Variants in TTN observed in about 807,000 individuals in gnomAD.
The protein encoded by TTN is connectin.
In TTN, 1,525 loss-of-function variants were observed where a neutral mutation model predicts 3,223.0. The ratio of observed to expected loss-of-function variants is 0.47; its 90% CI spans 0.45 to 0.49. TTN has a LOEUF of 0.49. Among genes scored for constraint, TTN ranks in the 20% least tolerant of loss-of-function variants. The probability of loss-of-function intolerance (pLI) is 0.00; values close to 1 mark genes in which losing one functional copy is unlikely to be tolerated. For missense variants in TTN, 40,786 were observed against 43,424.0 expected (o/e 0.94, Z 5.40); for synonymous variants, 14,094 against 15,161.0 (o/e 0.93, Z 5.17).
In TTN at chr2:178,756,268, A is replaced by G. The variant is rs138485458; in HGVS notation, c.11208T>C (p.Asn3736=). 2.5e-6 allele frequency: 4 copies of G among 1,613,828 alleles called. No homozygotes were observed. Among genetic ancestry groups the G allele is most frequent in the East Asian group, 2.2e-5 (1 of 44,874 alleles). ...DQGLYSCIVH[N]DCGERTTSAV... ...CTGACGTTGTCCTCTCTCCACAGTC[A>G]TTGTGTACAATGCAGCTGTATAGTC... The change falls in exon 46 of 363, where the codon AAT becomes AAC. Residue 3736 remains asparagine (N), a synonymous_variant. Transcript: ENST00000589042.
chr2:178,649,413 G>A, intron 212 of TTN, 82 bp from the exon 213 acceptor site: 2 of 1,329,928 alleles, frequency 1.5e-6, no homozygotes, highest in South Asian at 3.5e-5. Flanking sequence ...GTATTTATTG[G>A]AGCAGCATTA....
rs2082181880 is a variant in TTN, at chr2:178,739,869, ACTT to A, written c.13361_13363del (p.Glu4454del). ...ATCAACATCTTCAATAATGATGGTT[ACTT>A]CTTCTGTTACAGACTTTGCCGAAGT... is the stretch of plus-strand genomic sequence containing the variant. On this transcript the variant is annotated inframe_deletion, in exon 48 of 363. Coordinates refer to ENST00000589042, the MANE Select transcript of TTN (RefSeq NM_001267550.2). 3 of 1,613,884 alleles carry A rather than the reference ACTT, an allele frequency of 1.9e-6. No homozygotes were observed. Among genetic ancestry groups the A allele is most frequent in the Non-Finnish European group, 2.5e-6 (3 of 1,179,838 alleles).
Position 178,620,873 on chromosome 2 carries a change from G to C in TTN, c.45737C>G (p.Ala15246Gly). 6.2e-7 allele frequency: 1 copy of C among 1,612,466 alleles called. No individual in the cohort carries two copies. The highest frequency in any genetic ancestry group is 8.5e-7 in the Non-Finnish European group (1 of 1,179,092). Residue 15246 changes from alanine to glycine, a missense_variant, in exon 247 of 363, where the codon GCT becomes GGT. Transcript: ENST00000589042. ...GATGTATTTTGAACTATCAAATATA[G>C]CTTCTTCATTTCTGAACCATTTGGC... The part of the protein sequence containing the change: ...AKAKWFRNEE[A>G]IFDSSKYIIL...
chr2:178,673,384 A>G (rs1449647832), intron 152 of TTN, among the ~76,000 whole-genome samples: 2 of 151,930 alleles, frequency 1.3e-5, no homozygotes, highest in Admixed American at 1.3e-4. Context: ...AAGTATATAG[A>G]GACATACTAA....
At chr2:178,788,341 C>T (rs1450514157) in intron 13 of TTN, among the ~76,000 whole-genome samples, 1 of 151,888 alleles carries the variant, frequency 6.6e-6, no homozygotes, top group Non-Finnish European at 1.5e-5. Context: ...TTAACAAAAA[C>T]AAGATAGTCA....
In TTN at chr2:178,530,345, T is replaced by C; in HGVS notation, c.106270A>G (p.Thr35424Ala). The change falls in exon 358 of 363, where the codon ACT (threonine) becomes GCT (alanine). Residue 35424 changes from threonine (T) to alanine (A), a missense_variant. Coordinates refer to ENST00000589042, the MANE Select transcript of TTN (RefSeq NM_001267550.2). ...EPISSKPVIV[T>A]GLQDTTVSSD... is the part of the protein sequence containing the mutation. ...GAAACAGTTGTATCCTGCAACCCAG[T>C]AACAATTACTGGTTTTGAGGAAATT... 6.2e-7 allele frequency: 1 copy of C among 1,614,010 alleles called. No homozygotes were observed. Among genetic ancestry groups the C allele is most frequent in the Non-Finnish European group, 8.5e-7 (1 of 1,179,872 alleles).
Position 178,729,493 on chromosome 2 carries a change from T to G in TTN, c.18663A>C (p.Glu6221Asp), listed in dbSNP as rs369544339. The G allele has an allele frequency of 1.1e-4, 180 of 1,613,638 alleles. No individual in the cohort carries two copies. The highest frequency in any genetic ancestry group is 9.2e-5 in the Non-Finnish European group (108 of 1,179,646). The change falls in exon 64 of 363, where the codon GAA (glutamate) becomes GAC (aspartate). Residue 6221 changes from glutamate (E) to aspartate (D), a missense_variant. Transcript: ENST00000589042. ...VKYSDVELEC[E>D]VTGTPPFEVT... ...CTTCAAACGGAGGTGTTCCCGTAAC[T>G]TCACACTCCAGCTCCACGTCACTAT...
rs370094744 is a variant in TTN, at chr2:178,770,128, G to A, written c.8573C>T (p.Pro2858Leu). 12 of 1,613,988 alleles carry A rather than the reference G, an allele frequency of 7.4e-6. No individual in the cohort carries two copies. In the African/African-American group the frequency reaches 8.0e-5, roughly 11 times the overall value. The change falls in exon 36 of 363, where the codon CCC becomes CTC. Residue 2858 changes from proline (P) to leucine (L), a missense_variant. Transcript: ENST00000589042. The stretch of plus-strand genomic sequence containing the variant: ...AGCTGTGTATTCCCCAGCATCTGAG[G>A]GGGAGATGTTCTGCAGCATCAGCTT... The part of the protein sequence containing the change: ...VHKLMLQNIS[P>L]SDAGEYTAVV...
At position 178,777,701 on chromosome 2, in the gene TTN, T is replaced by C; in HGVS notation, c.4480+3A>G. On this transcript the variant is annotated splice_donor_region_variant and intron_variant, in intron 25 of 362. Coordinates refer to ENST00000589042, the MANE Select transcript of TTN (RefSeq NM_001267550.2). ...TTCATGAGCAAAAACTTATCACGCTTACCATCATGAAACCAGAACGTCTCT... is the reference window on the plus strand; with the variant it reads ...TTCATGAGCAAAAACTTATCACGCTCACCATCATGAAACCAGAACGTCTCT... 6.2e-7 allele frequency: 1 copy of C among 1,614,056 alleles called. No homozygotes were observed. Among genetic ancestry groups the C allele is most frequent in the East Asian group, 2.2e-5 (1 of 44,874 alleles).
chr2:178,611,651 G>T lies in TTN; in HGVS notation c.50578C>A (p.His16860Asn). The change falls in exon 269 of 363, where the codon CAT (histidine) becomes AAT (asparagine). Residue 16860 changes from histidine (H) to asparagine (N), a missense_variant. Coordinates refer to ENST00000589042, the MANE Select transcript of TTN (RefSeq NM_001267550.2). ...TSPPSPPLDL[H>N]VTDAGRKHIA... ...TGTTTTCTCCCAGCATCAGTCACAT[G>T]TAGGTCAAGGGGTGGTGAGGGAGGA... The T allele has an allele frequency of 6.2e-7, 1 of 1,613,020 alleles. No homozygotes were observed. The highest frequency in any genetic ancestry group is 8.5e-7 in the Non-Finnish European group (1 of 1,179,346).
chr2:178,779,695 A>G (rs2092591102), intron 22 of TTN: 1 of 537,638 alleles, frequency 1.9e-6, no homozygotes, highest in African/African-American at 1.9e-5. Flanking sequence ...TAGAGGTTAC[A>G]TTAGCTTATC....
At chr2:178,759,729 C>T (rs1040415499) in intron 43 of TTN, among the ~76,000 whole-genome samples, 2 of 152,050 alleles carry the variant, frequency 1.3e-5, no homozygotes, top group Non-Finnish European at 2.9e-5. Context: ...GGTTTCAGTA[C>T]GCAGTATATA....
Position 178,759,129 on chromosome 2 carries a change from T to C in TTN, c.10158A>G (p.Pro3386=). The C allele has an allele frequency of 1.9e-6, 3 of 1,614,020 alleles. No homozygotes were observed. Among genetic ancestry groups the C allele is most frequent in the South Asian group, 2.2e-5 (2 of 91,074 alleles). ...ATTGAGTCATTCTAAAGAACCGAGA[T>C]GGCTTGATTTTCTTGTCTTTGCTGT... ...SWYSKDKKIK[P]SRFFRMTQFE... Residue 3386 remains proline (P), a synonymous_variant, in exon 44 of 363, where the codon CCA becomes CCG. Transcript: ENST00000589042.
rs1415495029 is a variant in TTN, at chr2:178,570,326, A to G, written c.75806T>C (p.Leu25269Pro). The G allele has an allele frequency of 6.2e-7, 1 of 1,613,338 alleles. No individual in the cohort carries two copies. The highest frequency in any genetic ancestry group is 8.5e-7 in the Non-Finnish European group (1 of 1,179,616). The change falls in exon 326 of 363, where the codon CTT (leucine) becomes CCT (proline). Residue 25269 changes from leucine (L) to proline (P), a missense_variant. Coordinates refer to ENST00000589042, the MANE Select transcript of TTN (RefSeq NM_001267550.2). ...VQTLSCKVTKLLEGNEYTFRI... is the reference protein window; with the variant it reads ...VQTLSCKVTKPLEGNEYTFRI... The stretch of plus-strand genomic sequence containing the variant: ...GAAAGTATATTCATTGCCTTCAAGA[A>G]GCTTAGTAACCTTGCAGCTGAGAGT...
intron 216 of TTN, 68 bp from the exon 217 acceptor site, chr2:178,646,098 TAGAA>T: frequency 2.7e-5 from 3 of 109,124 alleles, no homozygotes; most frequent in Non-Finnish European, 3.5e-5. Context: ...GTATATTTAA[TAGAA>T]ATTATATATA....
rs754466645 is a variant in TTN at position 178,577,848 on chromosome 2, G to T, written c.68578C>A (p.Leu22860Ile). 23 of 1,600,516 alleles carry T rather than the reference G, an allele frequency of 1.4e-5. No homozygotes were observed. Among genetic ancestry groups the T allele is most frequent in the Non-Finnish European group, 1.9e-5 (22 of 1,172,866 alleles). The change falls in exon 323 of 363, where the codon CTC (leucine) becomes ATC (isoleucine). Residue 22860 changes from leucine to isoleucine, a missense_variant. Coordinates refer to ENST00000589042, the MANE Select transcript of TTN (RefSeq NM_001267550.2). ...VINITRNSVT[L>I]IWTEPKYDGG... Reference sequence around the variant, plus strand: ...TCATATTTAGGTTCAGTCCAAATGAGAGTCACTGAATTCCTTGTTATGTTA... The same window carrying T: ...TCATATTTAGGTTCAGTCCAAATGATAGTCACTGAATTCCTTGTTATGTTA...
Position 178,598,783 on chromosome 2 carries a change from A to C in TTN, c.56927T>G (p.Leu18976Arg). ...INAAGVGPAS[L>R]PSDPATARDP... ...TCTAGCAGTCGCTGGGTCTGATGGC[A>C]GACTTGCTGGACCCACGCCAGCAGC... Residue 18976 changes from leucine to arginine, a missense_variant, in exon 291 of 363, where the codon CTG becomes CGG. By Grantham distance (102) the Leu-to-Arg change is moderately radical. Coordinates refer to ENST00000589042, the MANE Select transcript of TTN (RefSeq NM_001267550.2). The C allele has an allele frequency of 6.2e-7, 1 of 1,613,430 alleles. No individual in the cohort carries two copies. Among genetic ancestry groups the C allele is most frequent in the South Asian group, 1.1e-5 (1 of 91,050 alleles).
Position 178,547,892 on chromosome 2 carries a change from G to A in TTN, c.93734C>T (p.Pro31245Leu), listed in dbSNP as rs760438860. 3.7e-6 allele frequency: 6 copies of A among 1,613,656 alleles called. No individual in the cohort carries two copies. The African/African-American group carries it at 6.7e-5, about 18-fold the overall frequency. The change falls in exon 339 of 363, where the codon CCC becomes CTC. Residue 31245 changes from proline to leucine, a missense_variant. Coordinates refer to ENST00000589042, the MANE Select transcript of TTN (RefSeq NM_001267550.2). ...IDVPISGRPA[P>L]KVTWKLEEMR... is the part of the protein sequence containing the mutation. ...TTCTTCCAGTTTCCATGTTACTTTG[G>A]GGGCAGGACGACCACTGATTGGTAC... is the stretch of plus-strand genomic sequence containing the variant.
In TTN at chr2:178,546,377, C is replaced by G; in HGVS notation, c.94954G>C (p.Gly31652Arg). 1 of 1,613,746 alleles carries G rather than the reference C, an allele frequency of 6.2e-7. No homozygotes were observed. The highest frequency in any genetic ancestry group is 8.5e-7 in the Non-Finnish European group (1 of 1,179,748). Residue 31652 changes from glycine (G) to arginine (R), a missense_variant, in exon 342 of 363, where the codon GGA (glycine) becomes CGA (arginine). Gly to Arg is a moderately radical substitution (Grantham distance 125, BLOSUM62 -2). Transcript: ENST00000589042. Reference sequence around the variant, plus strand: ...TCACAGAGATCTAGCTCCTTGTCTCCTTTGGTCCAGATAATTTTGGGTTCA... The same window carrying G: ...TCACAGAGATCTAGCTCCTTGTCTCGTTTGGTCCAGATAATTTTGGGTTCA... Reference protein sequence around the residue: ...KPEPKIIWTKGDKELDLCEKV... With the variant: ...KPEPKIIWTKRDKELDLCEKV...
Sources: allele counts gnomAD v4.1 joint callset (sites outside exome capture counted in the v4.1 genomes callset), GRCh38; gene constraint gnomAD v4.1.1; transcripts MANE v1.5; gene names NCBI Gene and HGNC (gene_info 2026-07-23, HGNC 2026-07-21).